Variants in LEKR1 observed in about 807,000 individuals in gnomAD.
The protein encoded by LEKR1 is protein LEKR1.
Under a neutral mutation model 72.4 loss-of-function variants are expected in LEKR1, and 59 were observed. The observed-to-expected ratio is 0.82, with a 90% confidence interval of 0.66 to 1.01. LEKR1 has a LOEUF of 1.01. Among genes scored for constraint, LEKR1 ranks in the 50% least tolerant of loss-of-function variants. The pLI is 0.00. For synonymous variants in LEKR1, 257 were observed against 263.2 expected (o/e 0.98, Z 0.23); for missense variants, 728 against 759.2 (o/e 0.96, Z 0.48).
At chr3:156,892,835 ACT>A (rs1183348916) in intron 3 of LEKR1, among the ~76,000 whole-genome samples, 1 of 152,186 alleles carries the variant, frequency 6.6e-6, no homozygotes, top group African/African-American at 2.4e-5. Flanking sequence ...CTAAGATGAG[ACT>A]CTGAGAGGAG....
chr3:156,950,988 T>C (rs1261812128), intron 6 of LEKR1, among the ~76,000 whole-genome samples: 2 of 151,756 alleles, frequency 1.3e-5, no homozygotes, highest in Non-Finnish European at 3.0e-5. Flanking sequence ...TTCAATATGA[T>C]GTTGGTTTTG....
At chr3:157,005,065 A>C (rs1323663126) in intron 9 of LEKR1, among the ~76,000 whole-genome samples, 3 of 152,054 alleles carry the variant, frequency 2.0e-5, no homozygotes, top group Admixed American at 1.3e-4. Flanking sequence ...AAAAAAGAGA[A>C]GTCAGAAATT....
intron 2 of LEKR1, among the ~76,000 whole-genome samples, chr3:156,836,042 T>C (rs1042429694): frequency 1.3e-5 from 2 of 151,742 alleles, no homozygotes; most frequent in African/African-American, 4.8e-5. Flanking sequence ...CCTGGCTGAT[T>C]TTTGTATTTT....
chr3:156,965,224 T>C (rs959736715), intron 6 of LEKR1, among the ~76,000 whole-genome samples: 1 of 152,070 alleles, frequency 6.6e-6, no homozygotes, highest in African/African-American at 2.4e-5. Flanking sequence ...AACACACATA[T>C]ACACACACAC....
intron 9 of LEKR1, among the ~76,000 whole-genome samples, chr3:156,994,404 C>T (rs1731382815): frequency 1.3e-5 from 2 of 152,016 alleles, no homozygotes; most frequent in African/African-American, 2.4e-5. Flanking sequence ...ATCTCTCGTC[C>T]GTCCTGGGAT....
intron 3 of LEKR1, among the ~76,000 whole-genome samples, chr3:156,860,045 G>C (rs988994235): frequency 6.6e-6 from 1 of 152,046 alleles, no homozygotes; most frequent in African/African-American, 2.4e-5. Context: ...TATCAAGTCC[G>C]AAGGTCCCTA....
At chr3:156,881,520 A>G (rs1257091679) in intron 3 of LEKR1, among the ~76,000 whole-genome samples, 81 of 129,854 alleles carry the variant, frequency 6.2e-4, no homozygotes, top group South Asian at 1.0e-3. Context: ...CAAATGGAAG[A>G]ACATTCCATG....
At chr3:156,895,462 A>G (rs1474070340) in intron 3 of LEKR1, among the ~76,000 whole-genome samples, 1 of 152,066 alleles carries the variant, frequency 6.6e-6, no homozygotes, top group Non-Finnish European at 1.5e-5. Flanking sequence ...AAACAATACA[A>G]AAATTAGGCA....
intron 3 of LEKR1, among the ~76,000 whole-genome samples, chr3:156,887,979 C>T (rs982315268): frequency 6.6e-6 from 1 of 151,974 alleles, no homozygotes; most frequent in Admixed American, 6.5e-5. Flanking sequence ...TATATTTTAT[C>T]ATTAATATGT....
At chr3:156,831,413 TGGC>T (rs1466946375) in intron 2 of LEKR1, among the ~76,000 whole-genome samples, 1 of 152,206 alleles carries the variant, frequency 6.6e-6, no homozygotes, top group Non-Finnish European at 1.5e-5. Context: ...TTTACAAAGA[TGGC>T]TTAGTTTAAG....
At chr3:156,953,424 A>G in intron 6 of LEKR1, among the ~76,000 whole-genome samples, 1 of 151,564 alleles carries the variant, frequency 6.6e-6, no homozygotes, top group East Asian at 1.9e-4. Context: ...GTGCCATAGT[A>G]GTTTGCTTCA....
Position 157,015,440 on chromosome 3 carries a change from A to G in LEKR1, c.1203+3934A>G, listed in dbSNP as rs373229941. Among the ~76,000 whole-genome samples the G allele has an allele frequency of 3.0e-4, 45 of 152,314 alleles. No homozygotes were observed. In the South Asian group the frequency reaches 9.3e-3, roughly 32 times the overall value. The stretch of plus-strand genomic sequence containing the variant: ...CCAGACTGGTAAACCTGTAATTTAT[A>G]AGGCCCTAGGTAGAGTGCTCAAAAG... On this transcript the variant is annotated intron_variant, in intron 10 of 12. Transcript: ENST00000356539.
At chr3:156,840,998 C>T (rs1346968957) in intron 2 of LEKR1, among the ~76,000 whole-genome samples, 1 of 152,338 alleles carries the variant, frequency 6.6e-6, no homozygotes, top group South Asian at 2.1e-4. Flanking sequence ...TCAATAGCTG[C>T]ACTTCAGACC....
chr3:157,042,469 G>A (rs1185825626), intron 12 of LEKR1, among the ~76,000 whole-genome samples: 2 of 152,142 alleles, frequency 1.3e-5, no homozygotes, highest in African/African-American at 4.8e-5. Context: ...TAAAGCATGG[G>A]TGCACAGTTC....
At chr3:156,964,994 C>T (rs756046285) in intron 6 of LEKR1, among the ~76,000 whole-genome samples, 3 of 151,982 alleles carry the variant, frequency 2.0e-5, no homozygotes, top group Non-Finnish European at 2.9e-5. Context: ...TTTGTTTACT[C>T]TAGGCTGTCC....
intron 3 of LEKR1, among the ~76,000 whole-genome samples, chr3:156,855,103 A>C (rs1173497714): frequency 6.6e-6 from 1 of 152,134 alleles, no homozygotes; most frequent in Non-Finnish European, 1.5e-5. Flanking sequence ...AATTTTTGTT[A>C]TTACATGTAG....
chr3:156,888,387 G>A (rs756002970), intron 3 of LEKR1: 7 of 702,148 alleles, frequency 1.0e-5, no homozygotes, highest in South Asian at 7.4e-5. Context: ...CTGTCACTGA[G>A]CCATACATAG....
At chr3:157,016,348 A>C (rs1053015954) in intron 10 of LEKR1, among the ~76,000 whole-genome samples, 4 of 152,146 alleles carry the variant, frequency 2.6e-5, no homozygotes, top group African/African-American at 9.7e-5. Flanking sequence ...AAAAGACCTT[A>C]TATAGAGAGG....
intron 6 of LEKR1, among the ~76,000 whole-genome samples, chr3:156,967,011 C>G (rs1025610300): frequency 6.6e-6 from 1 of 152,204 alleles, no homozygotes; most frequent in Non-Finnish European, 1.5e-5. Flanking sequence ...GATACCCAGG[C>G]AAACAGGGTC....
Sources: gnomAD v4.1 joint callset for allele counts (sites outside exome capture counted in the v4.1 genomes callset) on GRCh38, gnomAD v4.1.1 for gene constraint, MANE v1.5 for transcripts, NCBI Gene and HGNC (gene_info 2026-07-23, HGNC 2026-07-21) for gene names.